NADSYN1: variants seen among roughly 807,000 people sequenced by gnomAD.
The protein encoded by NADSYN1 is glutamine-dependent NAD(+) synthetase.
Under a neutral mutation model 99.3 loss-of-function variants are expected in NADSYN1, and 80 were observed. The observed-to-expected ratio is 0.81, with a 90% CI of 0.67 to 0.97. The LOEUF (loss-of-function observed/expected upper bound fraction) is 0.97, where lower values mean the gene tolerates loss of function less well. Among genes scored for constraint, NADSYN1 ranks in the 50% least tolerant of loss-of-function variants. The probability of loss-of-function intolerance (pLI) is 0.00; values close to 1 mark genes in which losing one functional copy is unlikely to be tolerated. For synonymous variants in NADSYN1, 385 were observed against 372.1 expected, an observed-to-expected ratio of 1.03 and a Z score of -0.40; for missense variants, 859 against 948.5, an observed-to-expected ratio of 0.91 and a Z score of 1.24.
At chr11:71,477,107 TC>T in intron 9 of NADSYN1, 1 of 1,127,614 alleles carries the variant, frequency 8.9e-7, no homozygotes, top group South Asian at 1.9e-5. Flanking sequence ...CCCTTCTGCC[TC>T]CTGCTCAAGC....
chr11:71,461,201 G>A (rs907600067), intron 3 of NADSYN1, among the ~76,000 whole-genome samples: 2 of 152,250 alleles, frequency 1.3e-5, no homozygotes, highest in Admixed American at 6.5e-5. Context: ...TAGTGAAAGC[G>A]CCGCCCTGAT....
At chr11:71,473,949 T>G (rs1658366293) in intron 8 of NADSYN1, among the ~76,000 whole-genome samples, 1 of 152,234 alleles carries the variant, frequency 6.6e-6, no homozygotes, top group Admixed American at 6.5e-5. Flanking sequence ...CCTTGTTCGT[T>G]GGCATCATGG....
intron 5 of NADSYN1, among the ~76,000 whole-genome samples, chr11:71,471,590 T>C (rs1163093513): frequency 1.3e-5 from 2 of 152,164 alleles, no homozygotes; most frequent in Non-Finnish European, 2.9e-5. Context: ...GGAGAGATGT[T>C]TGGACGGTTC....
intron 15 of NADSYN1, chr11:71,484,653 G>A (rs1949730337): frequency 3.0e-6 from 2 of 675,734 alleles, no homozygotes; most frequent in African/African-American, 1.8e-5. Context: ...ACAAGGAGGG[G>A]GTCTGTGTGT....
Position 71,458,467 on chromosome 11 carries a change from C to G in NADSYN1, c.186C>G (p.Thr62=), listed in dbSNP as rs200622177. The change falls in exon 3 of 21, where the codon ACC becomes ACG. Residue 62 remains threonine (T), a synonymous_variant. Transcript: ENST00000319023. ...GCWDHYYESD[T]LLHSFQVLAA... ...GGGATCATTATTACGAGTCGGACACCCTCTTGCACTCGTTTCAAGTCCTAG... is the reference window on the plus strand; with the variant it reads ...GGGATCATTATTACGAGTCGGACACGCTCTTGCACTCGTTTCAAGTCCTAG... 3.1e-6 allele frequency: 5 copies of G among 1,614,050 alleles called. No homozygotes were observed. In the East Asian group the frequency reaches 6.7e-5, roughly 22 times the overall value.
At chr11:71,470,756 C>G (rs7131218) in intron 5 of NADSYN1, among the ~76,000 whole-genome samples, 7,152 of 152,250 alleles carry the variant, frequency 0.047, 561 homozygotes, top group African/African-American at 0.16. Flanking sequence ...GAAAGTTTAC[C>G]TATTTTCTGC....
chr11:71,480,883 T>C lies in NADSYN1; in HGVS notation c.998+4T>C, dbSNP rs752656737. 6 of 1,613,772 alleles carry C rather than the reference T, an allele frequency of 3.7e-6. No homozygotes were observed. Among genetic ancestry groups the C allele is most frequent in the Non-Finnish European group, 5.1e-6 (6 of 1,179,834 alleles). On this transcript the variant is annotated splice_donor_region_variant and intron_variant, in intron 11 of 20. Coordinates refer to ENST00000319023, the MANE Select transcript of NADSYN1 (RefSeq NM_018161.5). ...ACAGCCCTGAGGAGGAGATAAGGTG[T>C]GTGGCCCCTGACCCCTGGGAGGGAC...
chr11:71,498,498 G>T lies in NADSYN1; in HGVS notation c.2040G>T (p.Trp680Cys). ...DLRPFLYNTS[W>C]PWQFRCIENQ... is the part of the protein sequence containing the mutation. ...GACCATTTCTGTACAACACAAGCTGGCCTTGGCAGTTTCGGTGCATAGAAA... is the reference window on the plus strand; with the variant it reads ...GACCATTTCTGTACAACACAAGCTGTCCTTGGCAGTTTCGGTGCATAGAAA... The change falls in exon 20 of 21, where the codon TGG becomes TGT. Residue 680 changes from tryptophan to cysteine, a missense_variant. Trp to Cys is a radical substitution (Grantham distance 215). Coordinates refer to ENST00000319023, the MANE Select transcript of NADSYN1 (RefSeq NM_018161.5). 1 of 1,614,104 alleles carries T rather than the reference G, an allele frequency of 6.2e-7. No individual in the cohort carries two copies.
intron 7 of NADSYN1, 93 bp from the exon 8 acceptor site, chr11:71,473,476 T>C (rs771959316): frequency 6.5e-7 from 1 of 1,530,580 alleles, no homozygotes; most frequent in Non-Finnish European, 9.0e-7. Context: ...GGCCGTGGGC[T>C]GGGAGCTGCC....
At position 71,497,474 on chromosome 11, in the gene NADSYN1, T is replaced by C. The variant is rs1949827639; in HGVS notation, c.1765-9T>C. 1.2e-6 allele frequency: 2 copies of C among 1,613,936 alleles called. No homozygotes were observed. The highest frequency in any genetic ancestry group is 2.2e-5 in the South Asian group (2 of 91,070). On this transcript the variant is annotated splice_polypyrimidine_tract_variant and intron_variant, in intron 18 of 20. Coordinates refer to ENST00000319023, the MANE Select transcript of NADSYN1 (RefSeq NM_018161.5). The stretch of plus-strand genomic sequence containing the variant: ...CTGTCATCATGGAACAGATTTTTGT[T>C]GTGCACAGGAAGATATGGGGATGAC...
Position 71,482,983 on chromosome 11 carries a change from A to G in NADSYN1, c.1285A>G (p.Thr429Ala), listed in dbSNP as rs1949719450. Reference sequence around the variant, plus strand: ...CAAGAACTCCTCCCAGGAGACGTGCACCCGGGCCAGAGAGTTGGCCCAGCA... The same window carrying G: ...CAAGAACTCCTCCCAGGAGACGTGCGCCCGGGCCAGAGAGTTGGCCCAGCA... The part of the protein sequence containing the change: ...ASKNSSQETC[T>A]RARELAQQIG... The change falls in exon 14 of 21, where the codon ACC becomes GCC. Residue 429 changes from threonine (T) to alanine (A), a missense_variant. Thr to Ala is a moderately conservative substitution (Grantham distance 58, BLOSUM62 0). Transcript: ENST00000319023. The G allele has an allele frequency of 1.9e-6, 3 of 1,612,416 alleles. No individual in the cohort carries two copies. Among genetic ancestry groups the G allele is most frequent in the Non-Finnish European group, 2.5e-6 (3 of 1,179,540 alleles).
chr11:71,497,680 G>C lies in NADSYN1; in HGVS notation c.1893+69G>C, dbSNP rs1949829592. ...ATGTCCCCTTTGCAGAGGCCGGTTT[G>C]ACCTGTAGGAACAAGTAGATAACAG... On this transcript the variant is annotated intron_variant, in intron 19 of 20. Transcript: ENST00000319023. 8.2e-6 allele frequency: 13 copies of C among 1,593,528 alleles called. 1 individual carries two copies. The highest frequency in any genetic ancestry group is 6.9e-6 in the Non-Finnish European group (8 of 1,165,528).
intron 9 of NADSYN1, among the ~76,000 whole-genome samples, chr11:71,477,742 T>G (rs1949678820): frequency 6.6e-6 from 1 of 152,200 alleles, no homozygotes; most frequent in South Asian, 2.1e-4. Context: ...CTGGTGTGGA[T>G]GCCGGGGCTG....
At chr11:71,467,127 G>A (rs540103877) in intron 5 of NADSYN1, among the ~76,000 whole-genome samples, 4 of 152,308 alleles carry the variant, frequency 2.6e-5, no homozygotes, top group African/African-American at 9.6e-5. Context: ...TGGAGGGGGA[G>A]AGATGTTGCC....
At chr11:71,482,660 G>T (rs1480054715) in intron 13 of NADSYN1, 189 bp from the exon 14 acceptor site, 1 of 464,872 alleles carries the variant, frequency 2.2e-6, no homozygotes, top group African/African-American at 2.2e-5. Context: ...CAGGCACCTG[G>T]GGGTGTAGAC....
chr11:71,485,410 C>T, intron 15 of NADSYN1, 132 bp from the exon 16 acceptor site: 2 of 669,406 alleles, frequency 3.0e-6, no homozygotes, highest in South Asian at 2.0e-5. Context: ...GACTCTGAGA[C>T]TCTGATGTTC....
rs139784534 is a variant in NADSYN1 at position 71,490,920 on chromosome 11, C to G, written c.1638C>G (p.Asp546Glu). Reference sequence around the variant, plus strand: ...CCATAGGCGGGATCAGCAAGACGGACCTCAGGGCCTTCGTCCAGTTCTGCA... The same window carrying G: ...CCATAGGCGGGATCAGCAAGACGGAGCTCAGGGCCTTCGTCCAGTTCTGCA... ...INPIGGISKT[D>E]LRAFVQFCIQ... The change falls in exon 17 of 21, where the codon GAC becomes GAG. Residue 546 changes from aspartate (D) to glutamate (E), a missense_variant. By Grantham distance (45) the Asp-to-Glu change is conservative. Coordinates refer to ENST00000319023, the MANE Select transcript of NADSYN1 (RefSeq NM_018161.5). The G allele has an allele frequency of 1.2e-6, 2 of 1,614,118 alleles. No individual in the cohort carries two copies. The highest frequency in any genetic ancestry group is 2.7e-5 in the African/African-American group (2 of 74,938).
intron 16 of NADSYN1, among the ~76,000 whole-genome samples, chr11:71,486,156 G>C (rs1460317751): frequency 6.6e-6 from 1 of 152,160 alleles, no homozygotes; most frequent in African/African-American, 2.4e-5. Flanking sequence ...TTCCAGCCTT[G>C]GTTTCCCCAC....
At chr11:71,464,721 G>A (rs1202009351) in intron 5 of NADSYN1, among the ~76,000 whole-genome samples, 1 of 151,988 alleles carries the variant, frequency 6.6e-6, no homozygotes, top group Non-Finnish European at 1.5e-5. Context: ...CAAAAAATTA[G>A]CTGGGCGTGG....
Sources: gnomAD v4.1 joint callset for allele counts (sites outside exome capture counted in the v4.1 genomes callset) on GRCh38, gnomAD v4.1.1 for gene constraint, MANE v1.5 for transcripts, NCBI Gene and HGNC (gene_info 2026-07-23, HGNC 2026-07-21) for gene names.